The following ATP6V0C variants were observed in gnomAD, a reference collection of about 807,000 sequenced individuals.
The protein encoded by ATP6V0C is ATPase H+ transporting V0 subunit c, also known as V-type proton ATPase 16 kDa proteolipid subunit c.
Under a neutral mutation model 10.6 loss-of-function variants are expected in ATP6V0C, and 2 were observed. That is an observed-to-expected ratio of 0.19 (90% CI 0.08 to 0.59). The LOEUF is 0.59. ATP6V0C is among the 20% of genes least tolerant of loss of function. The pLI is 0.90. For synonymous variants in ATP6V0C, 128 were observed against 101.3 expected, an observed-to-expected ratio of 1.26 and a Z score of -1.59; for missense variants, 89 against 225.9, an observed-to-expected ratio of 0.39 and a Z score of 3.88.
At chr16:2,514,591 G>A (rs1414341016) in intron 1 of ATP6V0C, among the ~76,000 whole-genome samples, 1 of 152,166 alleles carries the variant, frequency 6.6e-6, no homozygotes, top group African/African-American at 2.4e-5. Flanking sequence ...CCCAGTGCGC[G>A]GGCGGCGGCG....
chr16:2,517,420 T>G (rs2065882000), intron 1 of ATP6V0C: 2 of 152,310 alleles, frequency 1.3e-5, no homozygotes. Context: ...CCTCTGCAGG[T>G]GCTATCCAGA....
chr16:2,515,188 T>A (rs2065871198), intron 1 of ATP6V0C, among the ~76,000 whole-genome samples: 1 of 152,142 alleles, frequency 6.6e-6, no homozygotes. Flanking sequence ...ACAATTGGTC[T>A]CCCTGGGAGA....
At position 2,520,102 on chromosome 16, in the gene ATP6V0C, T is replaced by A. The variant is rs2065904112; in HGVS notation, c.*357T>A. ...CCTTGTCTCCCAGCTATCTATAACCTTAGCTAGAGTGTCGCCTTGTGGGTT... is the reference window on the plus strand; with the variant it reads ...CCTTGTCTCCCAGCTATCTATAACCATAGCTAGAGTGTCGCCTTGTGGGTT... On this transcript the variant is annotated 3_prime_UTR_variant, in exon 3 of 3. Coordinates refer to ENST00000330398, the MANE Select transcript of ATP6V0C (RefSeq NM_001694.4). The A allele has an allele frequency of 1.7e-6, 1 of 590,448 alleles. No individual in the cohort carries two copies. Among genetic ancestry groups the A allele is most frequent in the South Asian group, 1.5e-5 (1 of 64,926 alleles). 36.6% of individuals were successfully genotyped at this position (590,448 alleles called of 1,614,324 possible). A position where few individuals can be genotyped will look rare whatever the true frequency, so the allele number is the denominator to read the frequency against.
intron 1 of ATP6V0C, 61 bp downstream of exon 1, chr16:2,514,243 C>T (rs974472526): frequency 1.0e-4 from 150 of 1,468,908 alleles, no homozygotes; most frequent in Non-Finnish European, 1.3e-4. Context: ...ATGCCCGCAG[C>T]TCGCCGGGGT....
At chr16:2,513,880 C>T (rs1386561400), upstream of ATP6V0C, 6 of 430,784 alleles carry the variant, frequency 1.4e-5, no homozygotes, top group Admixed American at 4.7e-5. Context: ...ACGCGTCTCC[C>T]CCACGGTGCG....
Position 2,519,559 on chromosome 16 carries a change from C to T in ATP6V0C, c.282C>T (p.Gly94=), listed in dbSNP as rs556217954. The T allele has an allele frequency of 1.4e-5, 22 of 1,555,642 alleles. No homozygotes were observed. The East Asian group carries it at 2.3e-4, about 16-fold the overall frequency. Residue 94 remains glycine (G), a synonymous_variant, in exon 3 of 3, where the codon GGC becomes GGT. Coordinates refer to ENST00000330398, the MANE Select transcript of ATP6V0C (RefSeq NM_001694.4). ...ISLYKSFLQL[G]AGLSVGLSGL... The stretch of plus-strand genomic sequence containing the variant: ...CCCCCAGGAGCTTCCTCCAGCTGGG[C>T]GCCGGCCTGAGCGTGGGCCTGAGCG...
In ATP6V0C at chr16:2,520,106, C is replaced by T. The variant is rs1436569527; in HGVS notation, c.*361C>T. On this transcript the variant is annotated 3_prime_UTR_variant, in exon 3 of 3. Coordinates refer to ENST00000330398, the MANE Select transcript of ATP6V0C (RefSeq NM_001694.4). ...GTCTCCCAGCTATCTATAACCTTAG[C>T]TAGAGTGTCGCCTTGTGGGTTCCTG... 2 of 591,450 alleles carry T rather than the reference C, an allele frequency of 3.4e-6. No individual in the cohort carries two copies. The highest frequency in any genetic ancestry group is 3.7e-5 in the African/African-American group (2 of 54,360). 36.6% of individuals were successfully genotyped at this position (591,450 alleles called of 1,614,324 possible).
chr16:2,515,401 G>C (rs2065872222), intron 1 of ATP6V0C, among the ~76,000 whole-genome samples: 1 of 152,328 alleles, frequency 6.6e-6, no homozygotes, highest in South Asian at 2.1e-4. Context: ...TGGAGGGTTT[G>C]AACTCCAAAC....
At position 2,519,874 on chromosome 16, in the gene ATP6V0C, C is replaced by T; in HGVS notation, c.*129C>T. On this transcript the variant is annotated 3_prime_UTR_variant, in exon 3 of 3. Transcript: ENST00000330398. The stretch of plus-strand genomic sequence containing the variant: ...AGTTGGTCTTGTACATGCGCAGTGT[C>T]CTAGTGCCCATCGTCTGTTTCCCCG... The T allele has an allele frequency of 1.6e-6, 2 of 1,248,642 alleles. No individual in the cohort carries two copies. Among genetic ancestry groups the T allele is most frequent in the Non-Finnish European group, 1.1e-6 (1 of 873,004 alleles). 77.3% of individuals were successfully genotyped at this position (1,248,642 alleles called of 1,614,324 possible).
At position 2,514,061 on chromosome 16, in the gene ATP6V0C, A is replaced by T; in HGVS notation, c.-43A>T. ...GCCCGTCCTCGCCCCCGCCTCCGCC[A>T]CCGCCTCGGCCCGCAGAGCTTGCCC... On this transcript the variant is annotated 5_prime_UTR_variant, in exon 1 of 3. Coordinates refer to ENST00000330398, the MANE Select transcript of ATP6V0C (RefSeq NM_001694.4). 1 of 1,484,396 alleles carries T rather than the reference A, an allele frequency of 6.7e-7. No homozygotes were observed. Among genetic ancestry groups the T allele is most frequent in the Non-Finnish European group, 9.1e-7 (1 of 1,096,784 alleles). 92.0% of individuals were successfully genotyped at this position (1,484,396 alleles called of 1,614,324 possible).
At chr16:2,519,470 G>A in intron 2 of ATP6V0C, 69 bp downstream of exon 2, 3 of 1,559,298 alleles carry the variant, frequency 1.9e-6, no homozygotes, top group Non-Finnish European at 2.6e-6. Context: ...TCACCTGTGG[G>A]TGGTGACCCG....
rs1237586438 is a variant in ATP6V0C, at chr16:2,514,024, C to T, written c.-80C>T. On this transcript the variant is annotated 5_prime_UTR_variant, in exon 1 of 3. Transcript: ENST00000330398. The stretch of plus-strand genomic sequence containing the variant: ...GCCTTCGCCGCCGCCCGCCCGCAAA[C>T]CTTCGTGCCCGGCCCGTCCTCGCCC... 8.1e-6 allele frequency: 11 copies of T among 1,362,998 alleles called. No individual in the cohort carries two copies. Among genetic ancestry groups the T allele is most frequent in the African/African-American group, 3.1e-5 (2 of 65,296 alleles). The allele number at this position is 1,362,998 out of a possible 1,614,324, so 84.4% of individuals were successfully genotyped here. A position where few individuals can be genotyped will look rare whatever the true frequency, so the allele number is the denominator to read the frequency against.
Position 2,514,036 on chromosome 16 carries a change from G to C in ATP6V0C, c.-68G>C, listed in dbSNP as rs1333067104. ...GCCCGCCCGCAAACCTTCGTGCCCGGCCCGTCCTCGCCCCCGCCTCCGCCA... is the reference window on the plus strand; with the variant it reads ...GCCCGCCCGCAAACCTTCGTGCCCGCCCCGTCCTCGCCCCCGCCTCCGCCA... On this transcript the variant is annotated 5_prime_UTR_variant, in exon 1 of 3. Coordinates refer to ENST00000330398, the MANE Select transcript of ATP6V0C (RefSeq NM_001694.4). The C allele has an allele frequency of 5.6e-6, 8 of 1,436,314 alleles. No homozygotes were observed. The highest frequency in any genetic ancestry group is 7.6e-6 in the Non-Finnish European group (8 of 1,056,816). 89.0% of individuals were successfully genotyped at this position (1,436,314 alleles called of 1,614,324 possible).
intron 1 of ATP6V0C, among the ~76,000 whole-genome samples, chr16:2,514,697 T>C (rs1174817056): frequency 1.3e-5 from 2 of 151,624 alleles, no homozygotes; most frequent in East Asian, 2.0e-4. Context: ...CTCGCCCTTA[T>C]GGCGGCCGGC....
At chr16:2,514,574 C>T (rs924135811) in intron 1 of ATP6V0C, among the ~76,000 whole-genome samples, 8 of 151,666 alleles carry the variant, frequency 5.3e-5, no homozygotes, top group African/African-American at 1.7e-4. Flanking sequence ...CATCACACCT[C>T]GAAGGCCCCA....
chr16:2,514,011 G>T lies in ATP6V0C; in HGVS notation c.-93G>T. The stretch of plus-strand genomic sequence containing the variant: ...GACGGGCCGGATCGCCTTCGCCGCC[G>T]CCCGCCCGCAAACCTTCGTGCCCGG... On this transcript the variant is annotated 5_prime_UTR_variant, in exon 1 of 3. Transcript: ENST00000330398. 2 of 1,211,908 alleles carry T rather than the reference G, an allele frequency of 1.7e-6. No individual in the cohort carries two copies. The highest frequency in any genetic ancestry group is 2.3e-6 in the Non-Finnish European group (2 of 875,192). 75.1% of individuals were successfully genotyped at this position (1,211,908 alleles called of 1,614,324 possible). A position where few individuals can be genotyped will look rare whatever the true frequency, so the allele number is the denominator to read the frequency against.
intron 1 of ATP6V0C, chr16:2,518,867 G>C (rs923132795): frequency 1.1e-5 from 3 of 266,760 alleles, no homozygotes; most frequent in African/African-American, 6.7e-5. Flanking sequence ...CCCCACATGG[G>C]GGCTGCTGAG....
At position 2,520,168 on chromosome 16, in the gene ATP6V0C, C is replaced by G. The variant is rs1027298395; in HGVS notation, c.*423C>G. The G allele has an allele frequency of 1.9e-6, 1 of 521,442 alleles. No individual in the cohort carries two copies. The highest frequency in any genetic ancestry group is 2.8e-5 in the Admixed American group (1 of 35,570). 32.3% of individuals were successfully genotyped at this position (521,442 alleles called of 1,614,324 possible). On this transcript the variant is annotated 3_prime_UTR_variant, in exon 3 of 3. Transcript: ENST00000330398. ...TCCTGGATGGAGCCGCCCTCACCGCCGGGCCCGTGGCCCTGCGCGGAGCTG... is the reference window on the plus strand; with the variant it reads ...TCCTGGATGGAGCCGCCCTCACCGCGGGGCCCGTGGCCCTGCGCGGAGCTG...
chr16:2,518,519 C>T (rs1270913426), intron 1 of ATP6V0C, among the ~76,000 whole-genome samples: 1 of 152,218 alleles, frequency 6.6e-6, no homozygotes, highest in Admixed American at 6.5e-5. Flanking sequence ...TCTCTGCCCC[C>T]ATCCTCTTCT....
Sources: allele counts gnomAD v4.1 joint callset (sites outside exome capture counted in the v4.1 genomes callset), GRCh38; gene constraint gnomAD v4.1.1; transcripts MANE v1.5; gene names NCBI Gene and HGNC (gene_info 2026-07-23, HGNC 2026-07-21).